The following FBXO25 variants were observed in gnomAD, a reference collection of about 807,000 sequenced individuals.
The protein encoded by FBXO25 is F-box only protein 25.
In FBXO25, 45 loss-of-function variants were observed where a neutral mutation model predicts 51.9. The observed-to-expected ratio is 0.87, with a 90% CI of 0.68 to 1.11. The LOEUF is 1.11. FBXO25 is among the 50% of genes most tolerant of loss of function. The pLI, the probability that FBXO25 is intolerant of heterozygous loss-of-function variation, is 0.00. For missense variants in FBXO25, 507 were observed against 428.5 expected, an observed-to-expected ratio of 1.18 and a Z score of -1.62; for synonymous variants, 199 against 151.0, an observed-to-expected ratio of 1.32 and a Z score of -2.33.
rs1800509303 is a variant in FBXO25, at chr8:472,314, G to A, written c.*3510G>A. On this transcript the variant is annotated 3_prime_UTR_variant, in exon 10 of 10. Transcript: ENST00000350302. ...CTTTTTCTGCATCTCTTAAGATAAT[G>A]TAGTTTTTGGCCTTCATAAGATCAT... 1 of 152,198 alleles carries A rather than the reference G, an allele frequency of 6.6e-6. No homozygotes were observed. The highest frequency in any genetic ancestry group is 1.5e-5 in the Non-Finnish European group (1 of 68,040). The allele number at this position is 152,198 out of a possible 1,614,324, so 9.4% of individuals were successfully genotyped here. A position where few individuals can be genotyped will look rare whatever the true frequency, so the allele number is the denominator to read the frequency against.
rs1300331499 is a variant in FBXO25, at chr8:413,305, T to C, written c.134+92T>C. ...AAGTCCCTGCAAAGCTCCATAACTT[T>C]TGAGACTTGCCCACCCAGAAGGCTG... On this transcript the variant is annotated intron_variant, in intron 2 of 9. Coordinates refer to ENST00000350302, the MANE Select transcript of FBXO25 (RefSeq NM_183420.2). 2.2e-6 allele frequency: 3 copies of C among 1,366,316 alleles called. No individual in the cohort carries two copies. In the African/African-American group the frequency reaches 4.5e-5, roughly 20 times the overall value. The allele number at this position is 1,366,316 out of a possible 1,614,324, so 84.6% of individuals were successfully genotyped here. A position where few individuals can be genotyped will look rare whatever the true frequency, so the allele number is the denominator to read the frequency against.
At chr8:414,331 T>G (rs931398115) in intron 2 of FBXO25, among the ~76,000 whole-genome samples, 1 of 152,258 alleles carries the variant, frequency 6.6e-6, no homozygotes, top group Non-Finnish European at 1.5e-5. Context: ...TACTATCTTA[T>G]AATTTTTATG....
At chr8:423,869 A>G (rs1733782401) in intron 2 of FBXO25, among the ~76,000 whole-genome samples, 1 of 152,152 alleles carries the variant, frequency 6.6e-6, no homozygotes, top group Non-Finnish European at 1.5e-5. Flanking sequence ...AAATCTCTAG[A>G]CCACTTCCCA....
chr8:468,228 C>A lies in FBXO25; in HGVS notation c.988-487C>A, dbSNP rs551677845. ...TTGGAGCAAGCAGGAGCCTTGGGGGCTGAGGCCGTGTGTCCCCCTCTCCTG... is the reference window on the plus strand; with the variant it reads ...TTGGAGCAAGCAGGAGCCTTGGGGGATGAGGCCGTGTGTCCCCCTCTCCTG... On this transcript the variant is annotated intron_variant, in intron 9 of 9. Transcript: ENST00000350302. 135 of 1,009,906 alleles carry A rather than the reference C, an allele frequency of 1.3e-4. 2 individuals are homozygous for A. In the South Asian group the frequency reaches 5.4e-3, roughly 40 times the overall value. The allele number at this position is 1,009,906 out of a possible 1,614,324, so 62.6% of individuals were successfully genotyped here.
At chr8:415,966 CCTTGT>C (rs1280983903) in intron 2 of FBXO25, among the ~76,000 whole-genome samples, 3 of 152,162 alleles carry the variant, frequency 2.0e-5, no homozygotes, top group Non-Finnish European at 4.4e-5. Context: ...AGAAGTTGTT[CCTTGT>C]CTTTTATGAA....
intron 2 of FBXO25, among the ~76,000 whole-genome samples, chr8:415,238 C>G (rs1456106718): frequency 6.6e-6 from 1 of 152,084 alleles, no homozygotes; most frequent in East Asian, 1.9e-4. Flanking sequence ...TGTTAATTTT[C>G]TTTTTTGTGA....
At chr8:466,494 A>G (rs573211654) in intron 9 of FBXO25, among the ~76,000 whole-genome samples, 1 of 152,312 alleles carries the variant, frequency 6.6e-6, no homozygotes, top group Non-Finnish European at 1.5e-5. Context: ...TTAGCATCCC[A>G]GTAGTTTGTG....
Position 435,646 on chromosome 8 carries a change from T to G in FBXO25, c.320T>G (p.Phe107Cys). The change falls in exon 5 of 10, where the codon TTT becomes TGT. Residue 107 changes from phenylalanine to cysteine, a missense_variant. By Grantham distance (205) the Phe-to-Cys change is radical. Coordinates refer to ENST00000350302, the MANE Select transcript of FBXO25 (RefSeq NM_183420.2). ...RHGYCTLGEA[F>C]NRLDFSSAIQ... ...GGCTATTGCACCTTGGGAGAAGCCTTTAATCGGTTAGACTTCTCAAGTGCA... is the reference window on the plus strand; with the variant it reads ...GGCTATTGCACCTTGGGAGAAGCCTGTAATCGGTTAGACTTCTCAAGTGCA... 1 of 1,606,432 alleles carries G rather than the reference T, an allele frequency of 6.2e-7. No homozygotes were observed. The highest frequency in any genetic ancestry group is 8.5e-7 in the Non-Finnish European group (1 of 1,178,714).
chr8:468,204 T>C lies in FBXO25; in HGVS notation c.988-511T>C, dbSNP rs1800310544. On this transcript the variant is annotated intron_variant, in intron 9 of 9. Coordinates refer to ENST00000350302, the MANE Select transcript of FBXO25 (RefSeq NM_183420.2). The stretch of plus-strand genomic sequence containing the variant: ...GGTATGTGAGCATGGCCAGCTCCCT[T>C]GGAGCAAGCAGGAGCCTTGGGGGCT... 15 of 1,011,012 alleles carry C rather than the reference T, an allele frequency of 1.5e-5. 1 individual carries two copies. In the South Asian group the frequency reaches 6.6e-4, roughly 44 times the overall value. 62.6% of individuals were successfully genotyped at this position (1,011,012 alleles called of 1,614,324 possible). A position where few individuals can be genotyped will look rare whatever the true frequency, so the allele number is the denominator to read the frequency against.
intron 2 of FBXO25, among the ~76,000 whole-genome samples, chr8:429,316 A>G (rs956324492): frequency 6.6e-6 from 1 of 152,042 alleles, no homozygotes; most frequent in Non-Finnish European, 1.5e-5. Flanking sequence ...GCATCTTTTC[A>G]TGGGCTTCTT....
intron 8 of FBXO25, among the ~76,000 whole-genome samples, chr8:462,365 A>C (rs1235656468): frequency 6.6e-6 from 1 of 152,176 alleles, no homozygotes; most frequent in Non-Finnish European, 1.5e-5. Flanking sequence ...AGTGTTCTTT[A>C]TCTATTCTAG....
chr8:445,707 C>T (rs1270529830), intron 5 of FBXO25, among the ~76,000 whole-genome samples: 2 of 152,064 alleles, frequency 1.3e-5, no homozygotes, highest in Admixed American at 6.6e-5. Flanking sequence ...CAGAACTTAG[C>T]CAGGCATACA....
intron 5 of FBXO25, among the ~76,000 whole-genome samples, chr8:438,786 G>T (rs1798247199): frequency 6.6e-6 from 1 of 152,200 alleles, no homozygotes; most frequent in African/African-American, 2.4e-5. Context: ...CTTTGCCAGT[G>T]ATCACAGGGT....
intron 9 of FBXO25, 43 bp downstream of exon 9, chr8:463,193 T>A (rs3735924): frequency 6.3e-7 from 1 of 1,596,064 alleles, no homozygotes; most frequent in African/African-American, 1.4e-5. Flanking sequence ...GATTAAATTT[T>A]GGTGAAACAA....
intron 7 of FBXO25, among the ~76,000 whole-genome samples, chr8:456,896 G>C (rs926087741): frequency 4.6e-5 from 7 of 152,122 alleles, no homozygotes; most frequent in African/African-American, 1.7e-4. Flanking sequence ...AGAAAGTGGG[G>C]TGTCAAGGCA....
chr8:423,572 T>C (rs1174243395), intron 2 of FBXO25, among the ~76,000 whole-genome samples: 1 of 152,220 alleles, frequency 6.6e-6, no homozygotes, highest in Non-Finnish European at 1.5e-5. Context: ...TGCATTAATT[T>C]GCTTAGAATT....
At chr8:461,283 C>T (rs547650469) in intron 8 of FBXO25, among the ~76,000 whole-genome samples, 35 of 152,210 alleles carry the variant, frequency 2.3e-4, no homozygotes, top group Admixed American at 1.0e-3. Flanking sequence ...GTCCATTCTC[C>T]GCTGCCAATA....
Position 469,150 on chromosome 8 carries a change from T to TA in FBXO25, c.*348dup, listed in dbSNP as rs1464031216. 3 of 206,308 alleles carry TA rather than the reference T, an allele frequency of 1.5e-5. No homozygotes were observed. The highest frequency in any genetic ancestry group is 2.9e-5 in the Non-Finnish European group (3 of 104,574). 12.8% of individuals were successfully genotyped at this position (206,308 alleles called of 1,614,324 possible). A position where few individuals can be genotyped will look rare whatever the true frequency, so the allele number is the denominator to read the frequency against. ...CACTAACGGCCAATAATATGCTTCTTAATTATCAAATTATAGTTTCCCAAT... is the reference window on the plus strand; with the variant it reads ...CACTAACGGCCAATAATATGCTTCTTAAATTATCAAATTATAGTTTCCCAAT... On this transcript the variant is annotated 3_prime_UTR_variant, in exon 10 of 10. Transcript: ENST00000350302.
intron 7 of FBXO25, 80 bp downstream of exon 7, chr8:451,533 A>G (rs1799095357): frequency 7.7e-7 from 1 of 1,303,880 alleles, no homozygotes; most frequent in African/African-American, 1.5e-5. Flanking sequence ...TACATGAAAG[A>G]CTGCTATAGC....
Sources: gnomAD v4.1 joint callset for allele counts (sites outside exome capture counted in the v4.1 genomes callset) on GRCh38, gnomAD v4.1.1 for gene constraint, MANE v1.5 for transcripts, NCBI Gene and HGNC (gene_info 2026-07-23, HGNC 2026-07-21) for gene names.